The following MAP2K6 variants were observed in gnomAD, a reference collection of about 807,000 sequenced individuals.
The protein encoded by MAP2K6 is dual specificity mitogen-activated protein kinase kinase 6.
A neutral mutation model predicts 53.7 loss-of-function variants in MAP2K6; 16 were observed. The observed-to-expected ratio is 0.30, with a 90% confidence interval of 0.20 to 0.45. MAP2K6 has a LOEUF of 0.45. MAP2K6 is among the 20% of genes least tolerant of loss of function. The pLI is 1.00. For synonymous variants in MAP2K6, 132 were observed against 143.1 expected (o/e 0.92, Z 0.55); for missense variants, 204 against 411.9 (o/e 0.50, Z 4.37).
At chr17:69,493,331 C>T (rs971155243) in intron 1 of MAP2K6, among the ~76,000 whole-genome samples, 3 of 137,510 alleles carry the variant, frequency 2.2e-5, no homozygotes, top group African/African-American at 8.0e-5. Flanking sequence ...GTGTGTGTTG[C>T]AACACTAACT....
chr17:69,489,963 T>G (rs1908680587), intron 1 of MAP2K6, among the ~76,000 whole-genome samples: 1 of 152,178 alleles, frequency 6.6e-6, no homozygotes, highest in African/African-American at 2.4e-5. Flanking sequence ...GAAAGAAAGG[T>G]AACTAGACAT....
intron 1 of MAP2K6, among the ~76,000 whole-genome samples, chr17:69,480,355 T>A (rs759542229): frequency 9.9e-5 from 15 of 152,214 alleles, no homozygotes; most frequent in Non-Finnish European, 1.8e-4. Context: ...CTAACCTGTT[T>A]GCCACTTGGC....
chr17:69,428,838 C>T (rs1328291277), intron 1 of MAP2K6, among the ~76,000 whole-genome samples: 2 of 149,552 alleles, frequency 1.3e-5, no homozygotes, highest in Non-Finnish European at 3.0e-5. Flanking sequence ...GACAGACTAC[C>T]TGCCCTTTCT....
At chr17:69,427,313 T>G (rs1377235444) in intron 1 of MAP2K6, among the ~76,000 whole-genome samples, 1 of 152,198 alleles carries the variant, frequency 6.6e-6, no homozygotes, top group Non-Finnish European at 1.5e-5. Context: ...ATTACCAAAT[T>G]GACTTTCTCA....
intron 1 of MAP2K6, among the ~76,000 whole-genome samples, chr17:69,460,976 A>G (rs1403905571): frequency 6.6e-6 from 1 of 152,186 alleles, no homozygotes; most frequent in Non-Finnish European, 1.5e-5. Context: ...CGCACGGGGA[A>G]AGAATAGGCT....
intron 1 of MAP2K6, among the ~76,000 whole-genome samples, chr17:69,426,954 C>T (rs916651670): frequency 2.0e-5 from 3 of 152,164 alleles, no homozygotes; most frequent in Admixed American, 1.3e-4. Context: ...TATCATATCT[C>T]ATACTTTTAG....
chr17:69,519,179 A>G (rs1910335977), intron 4 of MAP2K6, 134 bp from the exon 5 acceptor site: 2 of 880,842 alleles, frequency 2.3e-6, no homozygotes, highest in Non-Finnish European at 3.4e-6. Context: ...ATAGCTAATC[A>G]CTTTGGGTGG....
At chr17:69,461,507 C>A (rs1226123392) in intron 1 of MAP2K6, among the ~76,000 whole-genome samples, 1 of 152,162 alleles carries the variant, frequency 6.6e-6, no homozygotes, top group Non-Finnish European at 1.5e-5. Context: ...AGCTCTGGGA[C>A]CACTGAATAG....
At chr17:69,421,165 T>G (rs919893971) in intron 1 of MAP2K6, among the ~76,000 whole-genome samples, 1 of 152,234 alleles carries the variant, frequency 6.6e-6, no homozygotes, top group African/African-American at 2.4e-5. Context: ...TCTCATTTGC[T>G]CCTAAGTTTT....
chr17:69,529,668 G>C (rs943706966), intron 10 of MAP2K6, among the ~76,000 whole-genome samples: 1 of 151,546 alleles, frequency 6.6e-6, no homozygotes, highest in Non-Finnish European at 1.5e-5. Context: ...CCGCCACCAC[G>C]CCCGGCTAAT....
At chr17:69,446,970 C>T (rs9912767) in intron 1 of MAP2K6, among the ~76,000 whole-genome samples, 77,460 of 143,948 alleles carry the variant, frequency 0.54, 21,321 homozygotes, top group African/African-American at 0.61. Context: ...ATTATAACCT[C>T]TGTTTCTTTT....
chr17:69,482,899 C>T lies in MAP2K6; in HGVS notation c.17-22881C>T, dbSNP rs368688039. Among the ~76,000 whole-genome samples, 8 of 151,950 alleles carry T rather than the reference C, an allele frequency of 5.3e-5. No individual in the cohort carries two copies. In the East Asian group the frequency reaches 1.5e-3, roughly 29 times the overall value. The stretch of plus-strand genomic sequence containing the variant: ...CTTTACCAATTTATATTTTCACTAT[C>T]ATCTTATGGAACTTTTAATGACGAG... On this transcript the variant is annotated intron_variant, in intron 1 of 11. Transcript: ENST00000590474.
chr17:69,527,821 G>C (rs2716204), intron 10 of MAP2K6, among the ~76,000 whole-genome samples: 95,361 of 151,924 alleles, frequency 0.63, 30,339 homozygotes, highest in Middle Eastern at 0.74. Context: ...AGCCTCCATG[G>C]TTTTTAGAAG....
rs115200669 is a variant in MAP2K6, at chr17:69,450,740, A to T, written c.16+35740A>T. Reference sequence around the variant, plus strand: ...TTAGTTTATTCATTAAACACATCTCATGAGTATACTTTTTGCCAGTTACTA... The same window carrying T: ...TTAGTTTATTCATTAAACACATCTCTTGAGTATACTTTTTGCCAGTTACTA... On this transcript the variant is annotated intron_variant, in intron 1 of 11. Coordinates refer to ENST00000590474, the MANE Select transcript of MAP2K6 (RefSeq NM_002758.4). Among the ~76,000 whole-genome samples the T allele has an allele frequency of 5.4e-3, 826 of 151,686 alleles. 9 individuals carry two copies. The highest frequency in any genetic ancestry group is 0.019 in the African/African-American group (792 of 41,344).
chr17:69,502,183 G>C, intron 1 of MAP2K6: 2 of 985,426 alleles, frequency 2.0e-6, no homozygotes, highest in Non-Finnish European at 2.4e-6. Flanking sequence ...CTCCCTTCCT[G>C]AAGCTGCAAT....
intron 1 of MAP2K6, among the ~76,000 whole-genome samples, chr17:69,500,684 A>G (rs1287713730): frequency 6.6e-6 from 1 of 151,088 alleles, no homozygotes. Flanking sequence ...CAAAGCCGGG[A>G]GGCGGAGGTT....
rs115056854 is a variant in MAP2K6 at position 69,467,225 on chromosome 17, C to T, written c.17-38555C>T. 8.0e-3 allele frequency among the ~76,000 whole-genome samples: 1,220 copies of T among 152,220 alleles called. 11 individuals carry two copies. The highest frequency in any genetic ancestry group is 0.026 in the African/African-American group (1,100 of 41,528). On this transcript the variant is annotated intron_variant, in intron 1 of 11. Transcript: ENST00000590474. The stretch of plus-strand genomic sequence containing the variant: ...GGCAAAGAATATGGAATTAAGTAAG[C>T]GAGGTACCATATATGAATAGGTACA...
At chr17:69,427,068 G>A (rs937584693) in intron 1 of MAP2K6, among the ~76,000 whole-genome samples, 2 of 152,170 alleles carry the variant, frequency 1.3e-5, no homozygotes. Context: ...ATATAAGCAA[G>A]CTGTTGGTTC....
intron 1 of MAP2K6, chr17:69,505,488 G>C (rs1338036046): frequency 3.9e-6 from 1 of 257,468 alleles, no homozygotes; most frequent in African/African-American, 2.3e-5. Context: ...ATTCTCAGTG[G>C]GGAGAAAGGG....
Sources: gnomAD v4.1 joint callset for allele counts (sites outside exome capture counted in the v4.1 genomes callset) on GRCh38, gnomAD v4.1.1 for gene constraint, MANE v1.5 for transcripts, NCBI Gene and HGNC (gene_info 2026-07-23, HGNC 2026-07-21) for gene names.